Variants in FAM13C observed in about 807,000 individuals in gnomAD.
FAM13C encodes the protein family with sequence similarity 13 member C.
A neutral mutation model predicts 73.2 loss-of-function variants in FAM13C; 37 were observed. That is an observed-to-expected ratio of 0.51 (90% CI 0.39 to 0.67). The LOEUF (loss-of-function observed/expected upper bound fraction) is 0.67. FAM13C is among the 30% of genes least tolerant of loss of function. The probability of loss-of-function intolerance (pLI) is 0.00; values close to 1 mark genes in which losing one functional copy is unlikely to be tolerated. For missense variants in FAM13C, 589 were observed against 715.6 expected, an observed-to-expected ratio of 0.82 and a Z score of 2.02; for synonymous variants, 246 against 260.9, an observed-to-expected ratio of 0.94 and a Z score of 0.55.
chr10:59,286,344 G>A (rs1294005241), intron 5 of FAM13C, among the ~76,000 whole-genome samples: 3 of 151,372 alleles, frequency 2.0e-5, no homozygotes, highest in Non-Finnish European at 4.4e-5. Context: ...GGGAAACCTC[G>A]TCTATACTAA....
chr10:59,347,600 C>G (rs1309742578), intron 3 of FAM13C, among the ~76,000 whole-genome samples: 1 of 151,952 alleles, frequency 6.6e-6, no homozygotes, highest in Non-Finnish European at 1.5e-5. Context: ...CATAGATATA[C>G]ACGTGCCTTG....
At chr10:59,323,833 T>C (rs1850697544) in intron 4 of FAM13C, among the ~76,000 whole-genome samples, 155 bp downstream of exon 4, 1 of 152,182 alleles carries the variant, frequency 6.6e-6, no homozygotes, top group Admixed American at 6.5e-5. Context: ...CACTCAGCGA[T>C]TCCTCTTCTA....
intron 10 of FAM13C, among the ~76,000 whole-genome samples, 200 bp downstream of exon 10, chr10:59,262,234 C>A (rs911702819): frequency 6.6e-6 from 1 of 151,410 alleles, no homozygotes; most frequent in Admixed American, 6.6e-5. Flanking sequence ...AACACTATAA[C>A]CTCCAGAATG....
At chr10:59,251,787 C>A in intron 12 of FAM13C, 111 bp from the exon 13 acceptor site, 2 of 792,246 alleles carry the variant, frequency 2.5e-6, no homozygotes, top group Non-Finnish European at 4.0e-6. Flanking sequence ...AAAGTGTTCC[C>A]ATCATAAGAG....
intron 4 of FAM13C, among the ~76,000 whole-genome samples, chr10:59,314,262 C>T (rs1849268171): frequency 6.6e-6 from 1 of 152,186 alleles, no homozygotes; most frequent in South Asian, 2.1e-4. Context: ...AGGATCTCCT[C>T]TCTTATGGAA....
At chr10:59,330,201 C>T (rs1277142006) in intron 3 of FAM13C, among the ~76,000 whole-genome samples, 2 of 152,164 alleles carry the variant, frequency 1.3e-5, no homozygotes, top group East Asian at 3.8e-4. Flanking sequence ...ATATTCAATA[C>T]TTAATTAAAA....
intron 8 of FAM13C, among the ~76,000 whole-genome samples, chr10:59,266,895 T>C (rs986866532): frequency 2.0e-5 from 3 of 152,208 alleles, no homozygotes; most frequent in Non-Finnish European, 2.9e-5. Flanking sequence ...AATATATAAC[T>C]CATAGATTAA....
chr10:59,319,072 AACACACAC>A (rs59965630), intron 4 of FAM13C, among the ~76,000 whole-genome samples: 3,814 of 134,620 alleles, frequency 0.028, 96 homozygotes, highest in South Asian at 0.075. Flanking sequence ...TAGCTATTCA[AACACACAC>A]ACACACACAC....
At position 59,283,275 on chromosome 10, in the gene FAM13C, C is replaced by T. The variant is rs530764800; in HGVS notation, c.592+88G>A. On this transcript the variant is annotated intron_variant, in intron 6 of 13. Coordinates refer to ENST00000618804, the MANE Select transcript of FAM13C (RefSeq NM_198215.4). Reference sequence around the variant, plus strand: ...CATGTTGCCCCAGGCACTGTTTTCCCTCAGGGGCTCAGGCTGAGTGTGAAC... The same window carrying T: ...CATGTTGCCCCAGGCACTGTTTTCCTTCAGGGGCTCAGGCTGAGTGTGAAC... The T allele has an allele frequency of 1.1e-5, 16 of 1,413,824 alleles. No homozygotes were observed. The African/African-American group carries it at 2.0e-4, about 17-fold the overall frequency. The allele number at this position is 1,413,824 out of a possible 1,614,324, so 87.6% of individuals were successfully genotyped here.
intron 5 of FAM13C, among the ~76,000 whole-genome samples, chr10:59,297,498 T>C (rs551836050): frequency 1.2e-4 from 18 of 152,318 alleles, no homozygotes; most frequent in African/African-American, 3.6e-4. Context: ...TTCCATGACC[T>C]GAATATTATA....
chr10:59,362,109 A>G (rs1856488919), intron 1 of FAM13C, among the ~76,000 whole-genome samples: 1 of 152,156 alleles, frequency 6.6e-6, no homozygotes. Flanking sequence ...AACACATCAA[A>G]TGGATTTTTA....
At chr10:59,270,664 T>A (rs1285367437) in intron 6 of FAM13C, among the ~76,000 whole-genome samples, 1 of 152,222 alleles carries the variant, frequency 6.6e-6, no homozygotes, top group Non-Finnish European at 1.5e-5. Context: ...ATGTTCAGAA[T>A]ATGCTAAATG....
intron 2 of FAM13C, 118 bp downstream of exon 2, chr10:59,355,769 T>C (rs1219696351): frequency 1.9e-6 from 2 of 1,055,224 alleles, no homozygotes; most frequent in African/African-American, 1.6e-5. Flanking sequence ...GTAGAAGAGA[T>C]GAGACATGAG....
At chr10:59,283,048 A>T (rs150086167) in intron 6 of FAM13C, among the ~76,000 whole-genome samples, 23 of 152,334 alleles carry the variant, frequency 1.5e-4, no homozygotes, top group Admixed American at 3.9e-4. Context: ...AAATAAGCAT[A>T]GCACTCATTT....
chr10:59,294,449 C>G (rs1361478472), intron 5 of FAM13C, among the ~76,000 whole-genome samples: 1 of 152,122 alleles, frequency 6.6e-6, no homozygotes, highest in African/African-American at 2.4e-5. Flanking sequence ...TCTGCTCAGC[C>G]CAACACCTCT....
chr10:59,312,932 C>T (rs1849099281), intron 4 of FAM13C, among the ~76,000 whole-genome samples: 1 of 152,200 alleles, frequency 6.6e-6, no homozygotes, highest in African/African-American at 2.4e-5. Flanking sequence ...GCCCCCATGT[C>T]ACCCAACACT....
chr10:59,321,013 A>G (rs1850168202), intron 4 of FAM13C, among the ~76,000 whole-genome samples: 1 of 152,228 alleles, frequency 6.6e-6, no homozygotes, highest in South Asian at 2.1e-4. Flanking sequence ...GTGCCATATG[A>G]GAGTCTGATA....
At position 59,295,203 on chromosome 10, in the gene FAM13C, C is replaced by T. The variant is rs1846752460; in HGVS notation, c.507+7598G>A. 2.0e-5 allele frequency among the ~76,000 whole-genome samples: 3 copies of T among 152,338 alleles called. No individual in the cohort carries two copies. The South Asian group carries it at 6.2e-4, about 32-fold the overall frequency. On this transcript the variant is annotated intron_variant, in intron 5 of 13. Coordinates refer to ENST00000618804, the MANE Select transcript of FAM13C (RefSeq NM_198215.4). Reference sequence around the variant, plus strand: ...ACATAATCAAACACTAATCTAGGTACTTCTATGAAGAGATTTGCAAATGTA... The same window carrying T: ...ACATAATCAAACACTAATCTAGGTATTTCTATGAAGAGATTTGCAAATGTA...
chr10:59,351,705 A>T (rs1855060081), intron 3 of FAM13C, among the ~76,000 whole-genome samples: 1 of 152,002 alleles, frequency 6.6e-6, no homozygotes, highest in Non-Finnish European at 1.5e-5. Context: ...CTTTAAATCA[A>T]AGTCCAATCT....
Sources: allele counts gnomAD v4.1 joint callset (sites outside exome capture counted in the v4.1 genomes callset), GRCh38; gene constraint gnomAD v4.1.1; transcripts MANE v1.5; gene names NCBI Gene and HGNC (gene_info 2026-07-23, HGNC 2026-07-21).